The following SCMH1 variants were observed in gnomAD, a reference collection of about 807,000 sequenced individuals.
The protein encoded by SCMH1 is Scm polycomb group protein homolog 1.
In SCMH1, 37 loss-of-function variants were observed where a neutral mutation model predicts 70.8. That is an observed-to-expected ratio of 0.52 (90% CI 0.40 to 0.69). The LOEUF is 0.69. SCMH1 is among the 30% of genes least tolerant of loss of function. SCMH1 has a pLI of 0.00. For synonymous variants in SCMH1, 292 were observed against 307.4 expected, an observed-to-expected ratio of 0.95 and a Z score of 0.52; for missense variants, 607 against 827.3, an observed-to-expected ratio of 0.73 and a Z score of 3.27.
chr1:41,135,542 T>C (rs2148133733), intron 6 of SCMH1, among the ~76,000 whole-genome samples: 1 of 152,310 alleles, frequency 6.6e-6, no homozygotes, highest in South Asian at 2.1e-4. Context: ...CCACCATGAA[T>C]GTAAGTTTCC....
upstream of SCMH1, chr1:41,242,296 T>G (rs1663770796): frequency 1.1e-5 from 1 of 88,974 alleles, no homozygotes; most frequent in Non-Finnish European, 2.2e-5. The surrounding 1 kb of genome is among the most constrained non-coding windows in gnomAD (Gnocchi z 5.2). Flanking sequence ...CCTCGGCCGT[T>G]GGGCTCGCGC....
At chr1:41,214,951 G>T (rs1361054460) in intron 1 of SCMH1, among the ~76,000 whole-genome samples, 1 of 152,110 alleles carries the variant, frequency 6.6e-6, no homozygotes, top group Non-Finnish European at 1.5e-5. Context: ...GCTAAACGTA[G>T]TTATGTTACC....
At chr1:41,173,621 C>T (rs1646927263) in intron 2 of SCMH1, among the ~76,000 whole-genome samples, 1 of 152,052 alleles carries the variant, frequency 6.6e-6, no homozygotes, top group Admixed American at 6.6e-5. Flanking sequence ...GGTATATATC[C>T]ATAGGAAAGG....
chr1:41,185,729 G>A lies in SCMH1; in HGVS notation c.13+392C>T, dbSNP rs537113161. Among the ~76,000 whole-genome samples the A allele has an allele frequency of 1.1e-4, 16 of 147,612 alleles. No individual in the cohort carries two copies. The South Asian group carries it at 2.8e-3, about 26-fold the overall frequency. ...CGGCTTACAGCAACCTCCGCCTCCC[G>A]GGTTCAAGCAATTCTCCTGTCTCAG... On this transcript the variant is annotated intron_variant, in intron 2 of 14. Coordinates refer to ENST00000337495, the Ensembl canonical transcript of SCMH1.
chr1:41,068,144 T>C (rs1288828978), intron 10 of SCMH1, among the ~76,000 whole-genome samples: 1 of 152,222 alleles, frequency 6.6e-6, no homozygotes, highest in Non-Finnish European at 1.5e-5. Context: ...CTGGTGTTTC[T>C]ACCAAACAGA....
intron 6 of SCMH1, among the ~76,000 whole-genome samples, chr1:41,125,446 G>A (rs1429966538): frequency 6.6e-6 from 1 of 151,658 alleles, no homozygotes; most frequent in East Asian, 1.9e-4. Flanking sequence ...CAAACTCCTG[G>A]GCTCATGTGA....
chr1:41,223,156 C>T (rs1281928236), intron 1 of SCMH1, among the ~76,000 whole-genome samples: 1 of 152,158 alleles, frequency 6.6e-6, no homozygotes, highest in Non-Finnish European at 1.5e-5. Context: ...TCAATGGAAT[C>T]TGGAGCCTTC....
At chr1:41,195,964 T>C (rs1309455211) in intron 1 of SCMH1, among the ~76,000 whole-genome samples, 3 of 152,082 alleles carry the variant, frequency 2.0e-5, no homozygotes, top group Non-Finnish European at 2.9e-5. Flanking sequence ...TCCATTTAAA[T>C]AGTATCAAAA....
intron 8 of SCMH1, among the ~76,000 whole-genome samples, chr1:41,077,371 T>C (rs892320558): frequency 1.2e-4 from 18 of 152,258 alleles, no homozygotes; most frequent in African/African-American, 2.9e-4. Context: ...GTGGCCAGTT[T>C]TTCTCATTGG....
intron 2 of SCMH1, among the ~76,000 whole-genome samples, chr1:41,164,177 A>G (rs1344307782): frequency 1.3e-5 from 2 of 152,060 alleles, no homozygotes; most frequent in Non-Finnish European, 2.9e-5. Flanking sequence ...TAAAGGCTCA[A>G]TCCTAAATCT....
intron 2 of SCMH1, among the ~76,000 whole-genome samples, chr1:41,162,538 GC>G (rs1464803726): frequency 3.3e-5 from 5 of 152,170 alleles, no homozygotes; most frequent in Non-Finnish European, 5.9e-5. Flanking sequence ...CAGCCCCAGA[GC>G]AGAGCAGAGG....
intron 8 of SCMH1, among the ~76,000 whole-genome samples, chr1:41,111,497 C>T (rs7545810): frequency 3.3e-5 from 5 of 152,158 alleles, no homozygotes; most frequent in Admixed American, 6.5e-5. Context: ...GTTACCACCA[C>T]GCCTTGCTAA....
rs1448558481 is a variant in SCMH1 at position 41,119,052 on chromosome 1, A to C, written c.413-2042T>G. Among the ~76,000 whole-genome samples, 3 of 152,328 alleles carry C rather than the reference A, an allele frequency of 2.0e-5. No individual in the cohort carries two copies. The East Asian group carries it at 5.8e-4, about 29-fold the overall frequency. ...GGTACAATTTATTTGAAGTTAAATA[A>C]ATTGCTTAAGATTTCAAAGTGAGCA... On this transcript the variant is annotated intron_variant, in intron 6 of 14. Transcript: ENST00000337495.
chr1:41,057,880 G>A (rs1225801023), intron 10 of SCMH1, among the ~76,000 whole-genome samples: 1 of 152,052 alleles, frequency 6.6e-6, no homozygotes, highest in East Asian at 1.9e-4. Flanking sequence ...GCACTTTGTG[G>A]GGGGTCAAGG....
At chr1:41,188,885 C>G (rs960588811) in intron 1 of SCMH1, among the ~76,000 whole-genome samples, 9 of 152,226 alleles carry the variant, frequency 5.9e-5, no homozygotes, top group African/African-American at 2.2e-4. Flanking sequence ...AAGAATACTT[C>G]CCCTAGAAAT....
At chr1:41,109,253 A>G (rs1316243001) in intron 8 of SCMH1, among the ~76,000 whole-genome samples, 1 of 152,246 alleles carries the variant, frequency 6.6e-6, no homozygotes, top group Non-Finnish European at 1.5e-5. Context: ...TTACCAGAAG[A>G]TAAAATGAAA....
intron 1 of SCMH1, among the ~76,000 whole-genome samples, chr1:41,213,658 A>G (rs577088893): frequency 2.0e-4 from 31 of 152,162 alleles, no homozygotes; most frequent in Non-Finnish European, 4.3e-4. Flanking sequence ...GTCCAATTCT[A>G]TTGCTCCCCA....
intron 1 of SCMH1, among the ~76,000 whole-genome samples, chr1:41,220,267 T>C (rs1658978198): frequency 1.3e-5 from 2 of 152,206 alleles, no homozygotes; most frequent in South Asian, 4.1e-4. Context: ...ACCAACTGCA[T>C]TGTGGGCAGG....
At chr1:41,238,268 T>C (rs1020335872) in intron 1 of SCMH1, among the ~76,000 whole-genome samples, 3 of 152,172 alleles carry the variant, frequency 2.0e-5, no homozygotes, top group African/African-American at 7.2e-5. Flanking sequence ...AAACCTCCAC[T>C]GCCCTTTGTC....
Sources: allele counts gnomAD v4.1 joint callset (sites outside exome capture counted in the v4.1 genomes callset), GRCh38; gene constraint gnomAD v4.1.1; non-coding constraint Gnocchi (gnomAD v3.1); transcripts MANE v1.5; gene names NCBI Gene and HGNC (gene_info 2026-07-23, HGNC 2026-07-21).